ARHGEF10: variants seen among roughly 807,000 people sequenced by gnomAD.
ARHGEF10 encodes Rho guanine nucleotide exchange factor (GEF) 10.
A neutral mutation model predicts 147.4 loss-of-function variants in ARHGEF10; 140 were observed. The ratio of observed to expected loss-of-function variants is 0.95; its 90% CI spans 0.83 to 1.09. The LOEUF (loss-of-function observed/expected upper bound fraction) is 1.09, where lower values mean the gene tolerates loss of function less well. Ranked by LOEUF, ARHGEF10 falls within the 50% of genes least tolerant of loss-of-function variation. The pLI is 0.00. For missense variants in ARHGEF10, 2,222 were observed against 1,752.7 expected, an observed-to-expected ratio of 1.27 and a Z score of -4.78; for synonymous variants, 902 against 695.8, an observed-to-expected ratio of 1.30 and a Z score of -4.67.
At chr8:1,845,160 A>G (rs1029160862) in intron 2 of ARHGEF10, among the ~76,000 whole-genome samples, 9 of 152,160 alleles carry the variant, frequency 5.9e-5, no homozygotes, top group African/African-American at 2.2e-4. Context: ...GTGGAACATG[A>G]GGCAGAGAGC....
intron 27 of ARHGEF10, among the ~76,000 whole-genome samples, chr8:1,949,111 G>A (rs1044965729): frequency 1.3e-5 from 2 of 152,032 alleles, no homozygotes; most frequent in Non-Finnish European, 2.9e-5. Flanking sequence ...TTCTGCAAAT[G>A]AAGACTTGCC....
intron 11 of ARHGEF10, among the ~76,000 whole-genome samples, chr8:1,891,573 C>G (rs1486740415): frequency 6.6e-6 from 1 of 152,168 alleles, no homozygotes; most frequent in African/African-American, 2.4e-5. Flanking sequence ...CGCAGCTCTC[C>G]CAGCTCAGGC....
At chr8:1,890,318 G>T (rs138501954) in intron 11 of ARHGEF10, among the ~76,000 whole-genome samples, 2,721 of 148,514 alleles carry the variant, frequency 0.018, 46 homozygotes, top group Non-Finnish European at 0.03. Flanking sequence ...TGGGGTGAGG[G>T]TTGTGAGCAG....
intron 1 of ARHGEF10, among the ~76,000 whole-genome samples, chr8:1,834,848 G>C (rs536550168): frequency 2.0e-5 from 3 of 152,238 alleles, no homozygotes; most frequent in Non-Finnish European, 4.4e-5. Flanking sequence ...CCTGGCTCCC[G>C]TGGTGCATCA....
At chr8:1,947,876 C>A (rs1334758757) in intron 27 of ARHGEF10, among the ~76,000 whole-genome samples, 1 of 151,654 alleles carries the variant, frequency 6.6e-6, no homozygotes, top group Admixed American at 6.6e-5. Flanking sequence ...TTTGACCTCT[C>A]CTGTAGAAGA....
intron 18 of ARHGEF10, among the ~76,000 whole-genome samples, chr8:1,918,269 T>A (rs1811907429): frequency 6.6e-6 from 1 of 152,188 alleles, no homozygotes; most frequent in Non-Finnish European, 1.5e-5. Flanking sequence ...AGCCTCAGGT[T>A]GCTCTGTGGT....
chr8:1,837,624 T>C (rs1563155202), intron 1 of ARHGEF10, among the ~76,000 whole-genome samples: 2 of 152,114 alleles, frequency 1.3e-5, no homozygotes, highest in Non-Finnish European at 2.9e-5. Context: ...TTGTGTTCAT[T>C]CTTGAACAGA....
intron 1 of ARHGEF10, chr8:1,826,043 A>G: frequency 1.4e-6 from 2 of 1,452,428 alleles, no homozygotes; most frequent in South Asian, 1.2e-5. Flanking sequence ...TCTGTCTCTC[A>G]CAGCATTTAT....
chr8:1,923,910 C>T (rs770739434), intron 21 of ARHGEF10, 36 bp downstream of exon 21: 22 of 1,591,152 alleles, frequency 1.4e-5, no homozygotes, highest in Middle Eastern at 3.3e-4. Context: ...ATGAGGCATG[C>T]GGCGTGATGA....
At chr8:1,874,841 G>A (rs113217544) in intron 7 of ARHGEF10, among the ~76,000 whole-genome samples, 7,624 of 120,012 alleles carry the variant, frequency 0.064, 14 homozygotes, top group Non-Finnish European at 0.075. Context: ...ACACCACGGC[G>A]TGTAGGGGGT....
chr8:1,930,763 T>C (rs551461330), intron 25 of ARHGEF10, among the ~76,000 whole-genome samples: 1 of 152,160 alleles, frequency 6.6e-6, no homozygotes, highest in African/African-American at 2.4e-5. Context: ...CCCCTCCTTC[T>C]CCCGTGTGGT....
chr8:1,898,651 A>G, intron 15 of ARHGEF10, 126 bp downstream of exon 15: 1 of 969,354 alleles, frequency 1.0e-6, no homozygotes, highest in Non-Finnish European at 1.6e-6. Flanking sequence ...CTCTCTAGGC[A>G]GTTACAGGAG....
intron 1 of ARHGEF10, among the ~76,000 whole-genome samples, chr8:1,827,032 G>T (rs1170605711): frequency 1.3e-5 from 2 of 152,216 alleles, no homozygotes; most frequent in East Asian, 3.9e-4. Context: ...GAGGCAGGGA[G>T]AGCAGAGGCC....
rs545396013 is a variant in ARHGEF10, at chr8:1,903,064, T to G, written c.1651-217T>G. On this transcript the variant is annotated intron_variant, in intron 15 of 28. Coordinates refer to ENST00000349830, the MANE Select transcript of ARHGEF10 (RefSeq NM_014629.4). The stretch of plus-strand genomic sequence containing the variant: ...GCGTGTCCTTTATTGTACAGTGCTA[T>G]TTTTTCAATTTTGTTTTTGCAAAGG... Among the ~76,000 whole-genome samples the G allele has an allele frequency of 2.0e-5, 3 of 151,494 alleles. No individual in the cohort carries two copies. The East Asian group carries it at 5.8e-4, about 29-fold the overall frequency.
At chr8:1,848,263 C>T (rs899871547) in intron 2 of ARHGEF10, among the ~76,000 whole-genome samples, 6 of 152,204 alleles carry the variant, frequency 3.9e-5, no homozygotes, top group African/African-American at 9.7e-5. Context: ...GCTTTGTACG[C>T]GCCACACGGC....
chr8:1,824,038 CA>C lies in ARHGEF10; in HGVS notation c.-122del, dbSNP rs1563137477. On this transcript the variant is annotated 5_prime_UTR_variant, in exon 1 of 29. Coordinates refer to ENST00000349830, the MANE Select transcript of ARHGEF10 (RefSeq NM_014629.4). ...GGGAACGGCGGGGGACGGCGGGGAA[CA>C]GCGGGGGACGGCGGGGAACAGCGGG... 7.6e-5 allele frequency: 8 copies of C among 105,644 alleles called. No individual in the cohort carries two copies. Among genetic ancestry groups the C allele is most frequent in the African/African-American group, 2.7e-4 (7 of 26,092 alleles). The allele number at this position is 105,644 out of a possible 1,614,324, so 6.5% of individuals were successfully genotyped here. A position where few individuals can be genotyped will look rare whatever the true frequency, so the allele number is the denominator to read the frequency against.
rs1490309394 is a variant in ARHGEF10, at chr8:1,896,534, C to T, written c.1557+85C>T. On this transcript the variant is annotated intron_variant, in intron 14 of 28. Transcript: ENST00000349830. ...AAGCTTGACTCTGAATGCAGTTATT[C>T]GTTATTAAGATTTCAGTATCAATAG... 6.1e-5 allele frequency: 59 copies of T among 972,220 alleles called. No homozygotes were observed. In the South Asian group the frequency reaches 7.0e-4, roughly 12 times the overall value. 60.2% of individuals were successfully genotyped at this position (972,220 alleles called of 1,614,324 possible). A position where few individuals can be genotyped will look rare whatever the true frequency, so the allele number is the denominator to read the frequency against.
chr8:1,876,396 A>T, intron 7 of ARHGEF10, 175 bp from the exon 8 acceptor site: 1 of 671,582 alleles, frequency 1.5e-6, no homozygotes. Flanking sequence ...CGGGTGGTGG[A>T]GGCGCTGCAC....
At chr8:1,883,010 G>C (rs950279620) in intron 10 of ARHGEF10, among the ~76,000 whole-genome samples, 1 of 152,174 alleles carries the variant, frequency 6.6e-6, no homozygotes, top group Non-Finnish European at 1.5e-5. Flanking sequence ...ACATAGGAAG[G>C]GCTGTGCAGG....
Sources: gnomAD v4.1 joint callset for allele counts (sites outside exome capture counted in the v4.1 genomes callset) on GRCh38, gnomAD v4.1.1 for gene constraint, MANE v1.5 for transcripts, NCBI Gene and HGNC (gene_info 2026-07-23, HGNC 2026-07-21) for gene names.